Variants in GNL3L observed in about 807,000 individuals in gnomAD.
GNL3L encodes the protein guanine nucleotide-binding protein-like 3-like protein.
Under a neutral mutation model 42.9 loss-of-function variants are expected in GNL3L, and 4 were observed. That is an observed-to-expected ratio of 0.09 (90% CI 0.05 to 0.21). The LOEUF is 0.21. Ranked by LOEUF, GNL3L falls within the 10% of genes least tolerant of loss-of-function variation. The probability of loss-of-function intolerance (pLI) is 1.00; values close to 1 mark genes in which losing one functional copy is unlikely to be tolerated. For synonymous variants in GNL3L, 159 were observed against 176.3 expected (o/e 0.90, Z 0.78); for missense variants, 412 against 481.7 (o/e 0.86, Z 1.36).
intron 16 of GNL3L, among the ~76,000 whole-genome samples, chrX:54,614,335 C>T (rs1406723441): frequency 9.0e-6 from 1 of 111,287 alleles, no homozygotes; most frequent in Non-Finnish European, 1.9e-5. Flanking sequence ...AACTTGCCCC[C>T]GGCTACTCAC....
intron 16 of GNL3L, among the ~76,000 whole-genome samples, chrX:54,576,378 T>C (rs1925634922): frequency 8.9e-6 from 1 of 112,229 alleles, no homozygotes; most frequent in Admixed American, 9.5e-5. Context: ...GTCAACCCAT[T>C]TTTTTATCTT....
At chrX:54,531,162 C>G (rs754166337) in intron 1 of GNL3L, among the ~76,000 whole-genome samples, 1 of 112,108 alleles carries the variant, frequency 8.9e-6, no homozygotes, top group East Asian at 2.8e-4. Flanking sequence ...AAGAGACAGT[C>G]AGGTCTGCCC....
Position 54,564,987 on chromosome X carries a change from G to A in GNL3L, c.*4385G>A, listed in dbSNP as rs1307449772. Among the ~76,000 whole-genome samples, 2 of 108,028 alleles carry A rather than the reference G, an allele frequency of 1.9e-5. No individual in the cohort carries two copies. Among genetic ancestry groups the A allele is most frequent in the African/African-American group, 3.4e-5 (1 of 29,689 alleles). 93.8% of individuals were successfully genotyped at this position (108,028 alleles called of 115,157 possible). On this transcript the variant is annotated 3_prime_UTR_variant, in exon 16 of 16. Transcript: ENST00000360845. ...TGACCTCAAAAGATCCACCCACCTCGGCCTCCCAAAGTGCTGGGATTATAG... is the reference window on the plus strand; with the variant it reads ...TGACCTCAAAAGATCCACCCACCTCAGCCTCCCAAAGTGCTGGGATTATAG...
intron 16 of GNL3L, among the ~76,000 whole-genome samples, chrX:54,573,467 G>C (rs1451033922): frequency 4.5e-5 from 5 of 111,842 alleles, no homozygotes; most frequent in East Asian, 2.8e-4. Flanking sequence ...GTATAGTCCA[G>C]CTTCGGCTGG....
At chrX:54,612,808 G>T (rs1926178854) in intron 16 of GNL3L, among the ~76,000 whole-genome samples, 1 of 111,836 alleles carries the variant, frequency 8.9e-6, no homozygotes, top group African/African-American at 3.2e-5. Context: ...CTGTTAATCT[G>T]CTAAGTTTTC....
chrX:54,596,530 C>T (rs1226613285), intron 16 of GNL3L, among the ~76,000 whole-genome samples: 4 of 111,730 alleles, frequency 3.6e-5, no homozygotes, highest in African/African-American at 6.5e-5. Flanking sequence ...GGGTCTCGCC[C>T]GAGGTTTACT....
chrX:54,595,719 T>G (rs1238634886), intron 16 of GNL3L, among the ~76,000 whole-genome samples: 3 of 111,801 alleles, frequency 2.7e-5, no homozygotes, highest in African/African-American at 9.8e-5. Flanking sequence ...GGCTTCATTG[T>G]TTTTTATTCC....
At chrX:54,633,575 C>T in the GNL3L span, among the ~76,000 whole-genome samples, 331 of 110,719 alleles carry the variant, frequency 3.0e-3, 4 homozygotes, top group African/African-American at 0.011. Flanking sequence ...GGGGGACTTG[C>T]TGCGGCCAAA....
At chrX:54,541,466 T>A in intron 5 of GNL3L, 77 bp downstream of exon 5, 2 of 605,140 alleles carry the variant, frequency 3.3e-6, no homozygotes, top group Non-Finnish European at 5.6e-6. Context: ...GGGAAGAAGG[T>A]GTGAAGTTGT....
In GNL3L at chrX:54,560,777, A is replaced by G. The variant is rs1989348881; in HGVS notation, c.*175A>G. 7.8e-6 allele frequency: 3 copies of G among 386,945 alleles called. No individual in the cohort carries two copies. Among genetic ancestry groups the G allele is most frequent in the African/African-American group, 7.6e-5 (3 of 39,667 alleles). The allele number at this position is 386,945 out of a possible 1,213,427, so 31.9% of individuals were successfully genotyped here. ...CAGTCCCGGCTAGGTGCTGTGGCTC[A>G]CGTCTGTAATCCCAGCACTTTGGGA... On this transcript the variant is annotated 3_prime_UTR_variant, in exon 16 of 16. Coordinates refer to ENST00000360845, the MANE Select transcript of GNL3L (RefSeq NM_001184819.2).
chrX:54,581,462 T>A (rs1470602992), intron 16 of GNL3L, among the ~76,000 whole-genome samples: 1 of 111,868 alleles, frequency 8.9e-6, no homozygotes, highest in East Asian at 2.8e-4. Flanking sequence ...CTCAAACTCC[T>A]GGCCTCAAGT....
At chrX:54,579,747 T>A (rs1925681521) in intron 16 of GNL3L, among the ~76,000 whole-genome samples, 1 of 111,478 alleles carries the variant, frequency 9.0e-6, no homozygotes, top group South Asian at 3.8e-4. Flanking sequence ...TGTATTTGTT[T>A]GCTCACTGCA....
In GNL3L at chrX:54,543,346, G is replaced by A; in HGVS notation, c.526+4G>A. On this transcript the variant is annotated splice_donor_region_variant and intron_variant, in intron 7 of 15. Coordinates refer to ENST00000360845, the MANE Select transcript of GNL3L (RefSeq NM_001184819.2). The stretch of plus-strand genomic sequence containing the variant: ...GTCCTGGTCTTGAACAAGATTGGTG[G>A]GTGTTAGGCAGGATTGGGTGTGACA... 1 of 1,210,264 alleles carries A rather than the reference G, an allele frequency of 8.3e-7. No homozygotes were observed. The highest frequency in any genetic ancestry group is 1.7e-5 in the African/African-American group (1 of 57,742).
intron 16 of GNL3L, among the ~76,000 whole-genome samples, chrX:54,599,955 G>A (rs764368227): frequency 9.1e-6 from 1 of 109,940 alleles, no homozygotes; most frequent in Admixed American, 9.8e-5. Flanking sequence ...ATATTTCTTT[G>A]ATGAGACTTT....
At chrX:54,639,122 T>C in the GNL3L span, among the ~76,000 whole-genome samples, 1 of 110,680 alleles carries the variant, frequency 9.0e-6, no homozygotes, top group Non-Finnish European at 1.9e-5. Flanking sequence ...TTTTTTAAAA[T>C]AAAATAGAGA....
chrX:54,572,322 G>A (rs1453459710), intron 16 of GNL3L, among the ~76,000 whole-genome samples: 1 of 109,934 alleles, frequency 9.1e-6, no homozygotes, highest in Non-Finnish European at 1.9e-5. Flanking sequence ...AGGGTTGGGG[G>A]TAAGGTCACA....
In GNL3L at chrX:54,565,113, T is replaced by C. The variant is rs894199614; in HGVS notation, c.*4511T>C. On this transcript the variant is annotated 3_prime_UTR_variant, in exon 16 of 16. Transcript: ENST00000360845. ...GCATTTTGAGAGCGACTTCTTTTGC[T>C]ATGAGTAATACATTTGAGATTCATC... is the stretch of plus-strand genomic sequence containing the variant. Among the ~76,000 whole-genome samples the C allele has an allele frequency of 8.9e-6, 1 of 111,869 alleles. No individual in the cohort carries two copies. Among genetic ancestry groups the C allele is most frequent in the African/African-American group, 3.2e-5 (1 of 30,793 alleles).
At chrX:54,609,637 T>C (rs1440926546) in intron 16 of GNL3L, among the ~76,000 whole-genome samples, 1 of 111,971 alleles carries the variant, frequency 8.9e-6, no homozygotes, top group East Asian at 2.8e-4. Flanking sequence ...TTTGTTTGCT[T>C]TGTTGAAGAT....
At chrX:54,589,894 G>A (rs1415298418) in intron 16 of GNL3L, among the ~76,000 whole-genome samples, 1 of 110,333 alleles carries the variant, frequency 9.1e-6, no homozygotes, top group Non-Finnish European at 1.9e-5. Flanking sequence ...ATCTTTGCCA[G>A]CATTTGTTAT....
Sources: gnomAD v4.1 joint callset for allele counts (sites outside exome capture counted in the v4.1 genomes callset) on GRCh38, gnomAD v4.1.1 for gene constraint, MANE v1.5 for transcripts, NCBI Gene and HGNC (gene_info 2026-07-23, HGNC 2026-07-21) for gene names.